Variants in MLLT1 observed in about 807,000 individuals in gnomAD.
MLLT1 encodes MLLT1 super elongation complex subunit.
A neutral mutation model predicts 55.1 loss-of-function variants in MLLT1; 11 were observed. The ratio of observed to expected loss-of-function variants is 0.20; its 90% confidence interval spans 0.13 to 0.33. MLLT1 has a LOEUF of 0.33. Ranked by LOEUF, MLLT1 falls within the 10% of genes least tolerant of loss-of-function variation. MLLT1 has a pLI of 1.00. For missense variants in MLLT1, 536 were observed against 760.6 expected (o/e 0.70, Z 3.47); for synonymous variants, 323 against 320.1 (o/e 1.01, Z -0.10).
chr19:6,265,320 A>C (rs1212108062), intron 2 of MLLT1, among the ~76,000 whole-genome samples: 1 of 152,280 alleles, frequency 6.6e-6, no homozygotes, highest in South Asian at 2.1e-4. Context: ...CATCCCAAAA[A>C]TCCAAAATCT....
intron 3 of MLLT1, among the ~76,000 whole-genome samples, chr19:6,251,471 G>A (rs2091213763): frequency 1.3e-5 from 2 of 152,202 alleles, no homozygotes; most frequent in Non-Finnish European, 2.9e-5. Flanking sequence ...CTGGTCCTGA[G>A]CTTACTTTCG....
At chr19:6,252,324 C>T (rs1368525438) in intron 3 of MLLT1, among the ~76,000 whole-genome samples, 1 of 152,184 alleles carries the variant, frequency 6.6e-6, no homozygotes, top group African/African-American at 2.4e-5. Context: ...TGCCGGCAAC[C>T]CAGATCTCCA....
At chr19:6,214,263 C>A (rs191950657) in intron 8 of MLLT1, among the ~76,000 whole-genome samples, 1 of 152,170 alleles carries the variant, frequency 6.6e-6, no homozygotes, top group Non-Finnish European at 1.5e-5. Context: ...CTTTGGGGGC[C>A]GCCCGAGCAG....
At chr19:6,271,438 C>A (rs186403199) in intron 1 of MLLT1, among the ~76,000 whole-genome samples, 6 of 152,282 alleles carry the variant, frequency 3.9e-5, no homozygotes, top group Non-Finnish European at 5.9e-5. Context: ...GGCCAGCCTG[C>A]GGCCCCCTGG....
rs2090916728 is a variant in MLLT1 at position 6,222,887 on chromosome 19, G to A, written c.547-203C>T. On this transcript the variant is annotated intron_variant, in intron 5 of 11. Coordinates refer to ENST00000252674, the MANE Select transcript of MLLT1 (RefSeq NM_005934.4). The surrounding 1 kb of genome is among the most constrained non-coding windows in gnomAD (Gnocchi z 4.1). ...CTGTCCCTTTAAACTACTAGGAAGT[G>A]TCAGCTGGTCCCCGGCAGCTGCAGG... Among the ~76,000 whole-genome samples the A allele has an allele frequency of 6.6e-6, 1 of 152,242 alleles. No individual in the cohort carries two copies. Among genetic ancestry groups the A allele is most frequent in the African/African-American group, 2.4e-5 (1 of 41,458 alleles).
rs2090788015 is a variant in MLLT1, at chr19:6,212,562, C to T, written c.*480G>A. ...GGGAGGAGCCGGCGCTAGGTCTACACGGAGGACGACGCAGACACACAGGCA... is the reference window on the plus strand; with the variant it reads ...GGGAGGAGCCGGCGCTAGGTCTACATGGAGGACGACGCAGACACACAGGCA... On this transcript the variant is annotated 3_prime_UTR_variant, in exon 12 of 12. Transcript: ENST00000252674. The T allele has an allele frequency of 8.3e-6, 9 of 1,087,462 alleles. No individual in the cohort carries two copies. Among genetic ancestry groups the T allele is most frequent in the Middle Eastern group, 4.0e-4 (1 of 2,498 alleles). The allele number at this position is 1,087,462 out of a possible 1,614,324, so 67.4% of individuals were successfully genotyped here.
At chr19:6,259,365 T>A (rs905104971) in intron 3 of MLLT1, 16 of 152,436 alleles carry the variant, frequency 1.0e-4, no homozygotes, top group African/African-American at 3.6e-4. Context: ...CTCCTATCCC[T>A]GGCACCAAAA....
intron 5 of MLLT1, among the ~76,000 whole-genome samples, chr19:6,224,486 A>G (rs117355555): frequency 0.018 from 2,707 of 152,332 alleles, 39 homozygotes; most frequent in Middle Eastern, 0.051. Flanking sequence ...CAGGGGACAC[A>G]CGCCCAGCTG....
At position 6,213,161 on chromosome 19, in the gene MLLT1, G is replaced by A. The variant is rs1482136378; in HGVS notation, c.1561C>T (p.Leu521=). ...ERNVLQQIVN[L]IEETGHFNVT... Reference sequence around the variant, plus strand: ...TTGAAGTGGCCAGTCTCCTCGATCAGATTCACAATCTGTAAGGTGGTGGCA... The same window carrying A: ...TTGAAGTGGCCAGTCTCCTCGATCAAATTCACAATCTGTAAGGTGGTGGCA... The change falls in exon 12 of 12, where the codon CTG becomes TTG. Residue 521 remains leucine, a synonymous_variant. Transcript: ENST00000252674. 6 of 1,613,860 alleles carry A rather than the reference G, an allele frequency of 3.7e-6. No individual in the cohort carries two copies. In the African/African-American group the frequency reaches 6.7e-5, roughly 18 times the overall value.
chr19:6,255,947 G>A (rs150283430), intron 3 of MLLT1, among the ~76,000 whole-genome samples: 17 of 151,950 alleles, frequency 1.1e-4, no homozygotes, highest in Non-Finnish European at 5.9e-5. Context: ...GGCCAAGCAC[G>A]GTGGCTCACA....
At chr19:6,234,703 G>T (rs1025891615) in intron 3 of MLLT1, among the ~76,000 whole-genome samples, 7 of 152,146 alleles carry the variant, frequency 4.6e-5, no homozygotes, top group Non-Finnish European at 8.8e-5. Context: ...GAGTGCCACT[G>T]CATGTCCACA....
chr19:6,259,347 A>G (rs1244072510), intron 3 of MLLT1: 1 of 152,318 alleles, frequency 6.6e-6, no homozygotes, highest in South Asian at 2.1e-4. Flanking sequence ...TCCTGCAGCC[A>G]TGACACACTC....
chr19:6,219,747 G>C lies in MLLT1; in HGVS notation c.1111-1706C>G, dbSNP rs2090877056. Among the ~76,000 whole-genome samples, 1 of 152,240 alleles carries C rather than the reference G, an allele frequency of 6.6e-6. No individual in the cohort carries two copies. The highest frequency in any genetic ancestry group is 1.5e-5 in the Non-Finnish European group (1 of 68,044). On this transcript the variant is annotated intron_variant, in intron 6 of 11. Coordinates refer to ENST00000252674, the MANE Select transcript of MLLT1 (RefSeq NM_005934.4). This position sits in a 1 kb window ranked among gnomAD's most constrained non-coding sequence, Gnocchi z 4.5. Reference sequence around the variant, plus strand: ...TCTCACTAAAGGTGGAGAGGGGGCAGTTCAGGCGGCCAAAGGAGGCTGCAC... The same window carrying C: ...TCTCACTAAAGGTGGAGAGGGGGCACTTCAGGCGGCCAAAGGAGGCTGCAC...
rs1430373011 is a variant in MLLT1, at chr19:6,227,624, CA to C, written c.421-523del. 6.6e-6 allele frequency among the ~76,000 whole-genome samples: 1 copy of C among 152,226 alleles called. No homozygotes were observed. The highest frequency in any genetic ancestry group is 1.5e-5 in the Non-Finnish European group (1 of 68,028). Reference sequence around the variant, plus strand: ...GCAGCGGACCCGAACAGGGCAAGAGCACCCAGGCTGAGGCCGAGACCAAGGC... The same window carrying C: ...GCAGCGGACCCGAACAGGGCAAGAGCCCCAGGCTGAGGCCGAGACCAAGGC... On this transcript the variant is annotated intron_variant, in intron 4 of 11. Coordinates refer to ENST00000252674, the MANE Select transcript of MLLT1 (RefSeq NM_005934.4). This position sits in a 1 kb window ranked among gnomAD's most constrained non-coding sequence, Gnocchi z 5.1.
rs1403677631 is a variant in MLLT1, at chr19:6,273,915, ACCG to A, written c.13-3159_13-3157del. On this transcript the variant is annotated intron_variant, in intron 1 of 11. Transcript: ENST00000252674. This position sits in a 1 kb window ranked among gnomAD's most constrained non-coding sequence, Gnocchi z 4.3. ...AGCAGTTATTGTGAAAGAGTGAAAG[ACCG>A]CGGTTCCACTGGAGAGGGGGAGGAT... Among the ~76,000 whole-genome samples the A allele has an allele frequency of 6.6e-6, 1 of 152,154 alleles. No homozygotes were observed. The highest frequency in any genetic ancestry group is 2.4e-5 in the African/African-American group (1 of 41,438).
intron 3 of MLLT1, among the ~76,000 whole-genome samples, chr19:6,255,537 G>C (rs2091250684): frequency 3.3e-5 from 5 of 151,934 alleles, no homozygotes; most frequent in Admixed American, 3.3e-4. Context: ...TAAGCACACA[G>C]GTAAAAGACT....
chr19:6,247,124 C>T (rs149184829), intron 3 of MLLT1, among the ~76,000 whole-genome samples: 2 of 152,250 alleles, frequency 1.3e-5, no homozygotes, highest in African/African-American at 2.4e-5. Context: ...GAGTTGGCAG[C>T]CTCAGAGGAA....
rs748473800 is a variant in MLLT1 at position 6,270,601 on chromosome 19, G to A, written c.171C>T (p.Asp57=). Reference sequence around the variant, plus strand: ...CACCGCGTCTGGGCTTGGGGAAGCTGTCGTGCAGCCAGAAGACCACCTTCT... The same window carrying A: ...CACCGCGTCTGGGCTTGGGGAAGCTATCGTGCAGCCAGAAGACCACCTTCT... ...FVEKVVFWLH[D]SFPKPRRVCK... Residue 57 remains aspartate (D), a synonymous_variant, in exon 2 of 12, where the codon GAC becomes GAT. Transcript: ENST00000252674. The surrounding 1 kb of genome is among the most constrained non-coding windows in gnomAD (Gnocchi z 7.1). The A allele has an allele frequency of 1.4e-5, 22 of 1,613,292 alleles. No individual in the cohort carries two copies. In the Admixed American group the frequency reaches 1.5e-4, roughly 11 times the overall value.
Position 6,230,448 on chromosome 19 carries a change from C to T in MLLT1, c.420+122G>A, listed in dbSNP as rs768391451. Reference sequence around the variant, plus strand: ...CCCCTCCAGCTCTGCTGGGTGCTGCCGTGTGACCTGCGCCTTGGGTCTCGG... The same window carrying T: ...CCCCTCCAGCTCTGCTGGGTGCTGCTGTGTGACCTGCGCCTTGGGTCTCGG... On this transcript the variant is annotated intron_variant, in intron 4 of 11. Coordinates refer to ENST00000252674, the MANE Select transcript of MLLT1 (RefSeq NM_005934.4). This position sits in a 1 kb window ranked among gnomAD's most constrained non-coding sequence, Gnocchi z 9.0. 7.8e-5 allele frequency: 95 copies of T among 1,220,800 alleles called. No homozygotes were observed. Among genetic ancestry groups the T allele is most frequent in the Middle Eastern group, 2.9e-4 (1 of 3,476 alleles). 75.6% of individuals were successfully genotyped at this position (1,220,800 alleles called of 1,614,324 possible).
Sources: gnomAD v4.1 joint callset for allele counts (sites outside exome capture counted in the v4.1 genomes callset) on GRCh38, gnomAD v4.1.1 for gene constraint, Gnocchi (gnomAD v3.1) non-coding constraint, MANE v1.5 for transcripts, NCBI Gene and HGNC (gene_info 2026-07-23, HGNC 2026-07-21) for gene names.